Variants in RAB10 observed in about 807,000 individuals in gnomAD.
The protein encoded by RAB10 is RAB10, member RAS oncogene family, also known as ras-related protein Rab-10.
Under a neutral mutation model 25.7 loss-of-function variants are expected in RAB10, and 5 were observed. The observed-to-expected ratio is 0.19, with a 90% CI of 0.10 to 0.41. The LOEUF (loss-of-function observed/expected upper bound fraction) is 0.41. Among genes scored for constraint, RAB10 ranks in the 10% least tolerant of loss-of-function variants. The probability of loss-of-function intolerance (pLI) is 1.00; values close to 1 mark genes in which losing one functional copy is unlikely to be tolerated. For synonymous variants in RAB10, 89 were observed against 86.4 expected, an observed-to-expected ratio of 1.03 and a Z score of -0.16; for missense variants, 103 against 245.8, an observed-to-expected ratio of 0.42 and a Z score of 3.89.
At chr2:26,082,610 G>A (rs373608722) in intron 1 of RAB10, among the ~76,000 whole-genome samples, 2 of 152,068 alleles carry the variant, frequency 1.3e-5, no homozygotes, top group African/African-American at 4.8e-5. Flanking sequence ...TAAGAAATGA[G>A]ATCTTAATTT....
intron 3 of RAB10, among the ~76,000 whole-genome samples, chr2:26,119,907 C>A (rs1667766654): frequency 6.6e-6 from 1 of 152,232 alleles, no homozygotes; most frequent in African/African-American, 2.4e-5. Context: ...TATTTCCTCA[C>A]TAGCCCCAGA....
At chr2:26,094,668 C>T (rs1021734913) in intron 1 of RAB10, among the ~76,000 whole-genome samples, 2 of 152,190 alleles carry the variant, frequency 1.3e-5, no homozygotes, top group Non-Finnish European at 2.9e-5. Context: ...AAGCAATTCT[C>T]GTGCCTCAGC....
chr2:26,120,393 T>G (rs971552724), intron 3 of RAB10, among the ~76,000 whole-genome samples: 6 of 152,236 alleles, frequency 3.9e-5, no homozygotes, highest in African/African-American at 1.4e-4. Flanking sequence ...TCCTTGGAAT[T>G]ATTGATGTCC....
chr2:26,039,264 G>C (rs567617315), intron 1 of RAB10, among the ~76,000 whole-genome samples: 1 of 148,242 alleles, frequency 6.7e-6, no homozygotes, highest in African/African-American at 2.5e-5. Context: ...CAGGTGATCC[G>C]CCCACCTTGG....
intron 2 of RAB10, among the ~76,000 whole-genome samples, chr2:26,099,686 G>C (rs1242944064): frequency 4.0e-5 from 6 of 151,612 alleles, no homozygotes; most frequent in Non-Finnish European, 8.8e-5. Flanking sequence ...GACTATAGGT[G>C]CCCGCCACCA....
chr2:26,035,801 T>G (rs1469106699), intron 1 of RAB10, among the ~76,000 whole-genome samples: 1 of 152,218 alleles, frequency 6.6e-6, no homozygotes, highest in Non-Finnish European at 1.5e-5. Flanking sequence ...ATTGTCAAAA[T>G]TAAGCTGATT....
chr2:26,073,573 C>T lies in RAB10; in HGVS notation c.128-25089C>T, dbSNP rs549832983. On this transcript the variant is annotated intron_variant, in intron 1 of 5. Coordinates refer to ENST00000264710, the MANE Select transcript of RAB10 (RefSeq NM_016131.5). ...TCATTGGCAGAACCTACCCAGAACTCAGCTTGCAAGGGAGTCTGGGAAATG... is the reference window on the plus strand; with the variant it reads ...TCATTGGCAGAACCTACCCAGAACTTAGCTTGCAAGGGAGTCTGGGAAATG... Among the ~76,000 whole-genome samples, 12 of 152,304 alleles carry T rather than the reference C, an allele frequency of 7.9e-5. No individual in the cohort carries two copies. The East Asian group carries it at 1.9e-3, about 24-fold the overall frequency.
chr2:26,054,164 C>T (rs1394460637), intron 1 of RAB10, among the ~76,000 whole-genome samples: 5 of 151,464 alleles, frequency 3.3e-5, no homozygotes, highest in African/African-American at 1.2e-4. Context: ...TCTCCTTCCT[C>T]AGCCTCCCAA....
chr2:26,088,967 G>T (rs890550703), intron 1 of RAB10, among the ~76,000 whole-genome samples: 6 of 151,984 alleles, frequency 3.9e-5, no homozygotes, highest in African/African-American at 1.5e-4. Context: ...TATATAGGGT[G>T]GGGGAGGGTG....
At chr2:26,085,524 C>T (rs1481338079) in intron 1 of RAB10, among the ~76,000 whole-genome samples, 1 of 151,326 alleles carries the variant, frequency 6.6e-6, no homozygotes, top group East Asian at 1.9e-4. Context: ...AAAAAGACAG[C>T]ACTTTCAGGT....
chr2:26,113,426 C>G (rs1351479771), intron 3 of RAB10, among the ~76,000 whole-genome samples: 2 of 151,886 alleles, frequency 1.3e-5, no homozygotes, highest in East Asian at 3.9e-4. Context: ...ATACAAAAAT[C>G]AGCCAGGTGT....
intron 1 of RAB10, among the ~76,000 whole-genome samples, chr2:26,040,458 G>GT (rs1167808486): frequency 6.6e-6 from 1 of 152,090 alleles, no homozygotes; most frequent in Non-Finnish European, 1.5e-5. Flanking sequence ...GAAGTCAGGA[G>GT]TTTGAGACCA....
At chr2:26,102,220 A>G (rs1006028343) in intron 2 of RAB10, 7 of 152,216 alleles carry the variant, frequency 4.6e-5, no homozygotes, top group Middle Eastern at 3.4e-3. Flanking sequence ...CTGACATTCC[A>G]TAATGTTTTA....
Position 26,034,586 on chromosome 2 carries a change from G to A in RAB10, c.-23G>A. On this transcript the variant is annotated 5_prime_UTR_variant, in exon 1 of 6. Transcript: ENST00000264710. ...CCGATCCCTTGGGGCCGCCGGCGGCGAGAGCCCGAGCCGCTCCTCCCAATG... is the reference window on the plus strand; with the variant it reads ...CCGATCCCTTGGGGCCGCCGGCGGCAAGAGCCCGAGCCGCTCCTCCCAATG... 1 of 1,612,496 alleles carries A rather than the reference G, an allele frequency of 6.2e-7. No individual in the cohort carries two copies. Among genetic ancestry groups the A allele is most frequent in the Non-Finnish European group, 8.5e-7 (1 of 1,179,956 alleles).
chr2:26,133,919 C>T (rs1488725157), intron 5 of RAB10, among the ~76,000 whole-genome samples: 1 of 152,150 alleles, frequency 6.6e-6, no homozygotes, highest in Non-Finnish European at 1.5e-5. Context: ...GGTGATCCAC[C>T]CGCCTCGGCC....
intron 1 of RAB10, among the ~76,000 whole-genome samples, chr2:26,061,092 C>CTTTTTTTTTTTTTTTTTTTTTTTTGTT (rs1666384901): frequency 1.2e-5 from 1 of 83,634 alleles, no homozygotes; most frequent in Non-Finnish European, 2.2e-5. Context: ...TTATCTCTGT[C>CTTTTTTTTTTTTTTTTTTTTTTTTGTT]TTTTTTTTTT....
chr2:26,104,561 T>C (rs1667429500), intron 2 of RAB10, among the ~76,000 whole-genome samples: 1 of 152,168 alleles, frequency 6.6e-6, no homozygotes, highest in Non-Finnish European at 1.5e-5. Context: ...TTCGCTGAAA[T>C]ACAAGTTTTT....
intron 1 of RAB10, among the ~76,000 whole-genome samples, chr2:26,049,928 C>G (rs1194394522): frequency 6.6e-6 from 1 of 152,172 alleles, no homozygotes; most frequent in Non-Finnish European, 1.5e-5. Flanking sequence ...AGCCAAACCA[C>G]CAGATAATAA....
rs577279081 is a variant in RAB10, at chr2:26,045,691, A to G, written c.127+10956A>G. Among the ~76,000 whole-genome samples the G allele has an allele frequency of 2.6e-5, 4 of 152,298 alleles. No homozygotes were observed. In the South Asian group the frequency reaches 8.3e-4, roughly 32 times the overall value. ...ATTAGCTGAAGAGATTTGCCTGGGA[A>G]AACTGTTTATTGAGATGGTTAAGTC... On this transcript the variant is annotated intron_variant, in intron 1 of 5. Coordinates refer to ENST00000264710, the MANE Select transcript of RAB10 (RefSeq NM_016131.5).
Sources: gnomAD v4.1 joint callset for allele counts (sites outside exome capture counted in the v4.1 genomes callset) on GRCh38, gnomAD v4.1.1 for gene constraint, MANE v1.5 for transcripts, NCBI Gene and HGNC (gene_info 2026-07-23, HGNC 2026-07-21) for gene names.